Variants in PGLYRP3 observed in about 807,000 individuals in gnomAD.
PGLYRP3 encodes the protein peptidoglycan recognition protein I alpha.
Under a neutral mutation model 36.0 loss-of-function variants are expected in PGLYRP3, and 39 were observed. That is an observed-to-expected ratio of 1.08 (90% CI 0.84 to 1.41). PGLYRP3 has a LOEUF of 1.41. PGLYRP3 is among the 40% of genes most tolerant of loss of function. The probability of loss-of-function intolerance (pLI) is 0.00; values close to 1 mark genes in which losing one functional copy is unlikely to be tolerated. For missense variants in PGLYRP3, 407 were observed against 427.9 expected, an observed-to-expected ratio of 0.95 and a Z score of 0.43; for synonymous variants, 204 against 172.8, an observed-to-expected ratio of 1.18 and a Z score of -1.42.
chr1:153,308,122 G>A (rs1425687122), intron 2 of PGLYRP3, among the ~76,000 whole-genome samples: 1 of 151,984 alleles, frequency 6.6e-6, no homozygotes, highest in Non-Finnish European at 1.5e-5. Flanking sequence ...AGCCTCCCGA[G>A]TAACTGGAAT....
intron 2 of PGLYRP3, among the ~76,000 whole-genome samples, chr1:153,307,714 A>G (rs3006445): frequency 0.44 from 67,185 of 151,956 alleles, 15,423 homozygotes; most frequent in Non-Finnish European, 0.51. Context: ...CCTAAGAACC[A>G]TGACTCTCTG....
chr1:153,311,039 C>G (rs1659886611), intron 1 of PGLYRP3, among the ~76,000 whole-genome samples: 1 of 152,076 alleles, frequency 6.6e-6, no homozygotes, highest in South Asian at 2.1e-4. Context: ...TGAAAAAACA[C>G]TGTGTATTTA....
At chr1:153,309,865 C>T (rs1364023126) in intron 2 of PGLYRP3, among the ~76,000 whole-genome samples, 90 of 152,194 alleles carry the variant, frequency 5.9e-4, no homozygotes, top group Non-Finnish European at 7.3e-5. Flanking sequence ...GTTAATTTCC[C>T]CATCAGGGCC....
rs1046665563 is a variant in PGLYRP3 at position 153,312,711 on chromosome 1, G to T, written c.-110C>A. 3.3e-5 allele frequency among the ~76,000 whole-genome samples: 5 copies of T among 152,142 alleles called. No homozygotes were observed. Among genetic ancestry groups the T allele is most frequent in the Non-Finnish European group, 5.9e-5 (4 of 68,020 alleles). ...TCGGCTCGCCCCTGATTGGCCAGCA[G>T]CTCCTTCCCTTCCAGACTTGGCCTC... On this transcript the variant is annotated 5_prime_UTR_variant, in exon 1 of 8. It adds an upstream start codon to the 5' untranslated region. Coordinates refer to ENST00000683862, the MANE Select transcript of PGLYRP3 (RefSeq NM_052891.3).
chr1:153,302,509 C>T lies in PGLYRP3; in HGVS notation c.628G>A (p.Ala210Thr), dbSNP rs769955259. ...GTGGATACAGTGCAGCTTGTGCCAG[C>T]GGTGTGGATGATGATGACATATTTG... Reference protein sequence around the residue: ...PAKYVIIIHTAGTSCTVSTDC... With the variant: ...PAKYVIIIHTTGTSCTVSTDC... The change falls in exon 6 of 8, where the codon GCT (alanine) becomes ACT (threonine). Residue 210 changes from alanine to threonine, a missense_variant. By Grantham distance (58) the Ala-to-Thr change is moderately conservative. Transcript: ENST00000683862. 5.6e-6 allele frequency: 9 copies of T among 1,614,024 alleles called. No homozygotes were observed. Among genetic ancestry groups the T allele is most frequent in the African/African-American group, 2.7e-5 (2 of 74,910 alleles).
At chr1:153,305,143 G>T in intron 3 of PGLYRP3, 78 bp from the exon 4 acceptor site, 1 of 1,179,374 alleles carries the variant, frequency 8.5e-7, no homozygotes, top group Non-Finnish European at 1.2e-6. Flanking sequence ...AAGGAAAAGG[G>T]GTTCTGGAGG....
intron 2 of PGLYRP3, among the ~76,000 whole-genome samples, chr1:153,308,946 G>A (rs546426651): frequency 7.9e-5 from 12 of 152,246 alleles, no homozygotes; most frequent in Admixed American, 2.6e-4. Context: ...TCAAACCGTC[G>A]GTACCCAGCA....
rs1376881165 is a variant in PGLYRP3, at chr1:153,297,303, G to C, written c.*653C>G. ...ATCTATAAATAATTACAGCCCTTAAGTAAGGGCTGCATCCAAATATGTACC... is the reference window on the plus strand; with the variant it reads ...ATCTATAAATAATTACAGCCCTTAACTAAGGGCTGCATCCAAATATGTACC... On this transcript the variant is annotated 3_prime_UTR_variant, in exon 8 of 8. Transcript: ENST00000683862. Among the ~76,000 whole-genome samples the C allele has an allele frequency of 6.6e-6, 1 of 151,192 alleles. No homozygotes were observed. Among genetic ancestry groups the C allele is most frequent in the Non-Finnish European group, 1.5e-5 (1 of 67,842 alleles).
At chr1:153,309,409 G>A (rs2987759) in intron 2 of PGLYRP3, among the ~76,000 whole-genome samples, 63,230 of 152,014 alleles carry the variant, frequency 0.42, 13,641 homozygotes, top group Non-Finnish European at 0.47. Flanking sequence ...AGAATCTCTG[G>A]CCCCGAAGCC....
In PGLYRP3 at chr1:153,302,454, T is replaced by C. The variant is rs370458389; in HGVS notation, c.683A>G (p.Gln228Arg). The change falls in exon 6 of 8, where the codon CAG becomes CGG. Residue 228 changes from glutamine to arginine, a missense_variant. By Grantham distance (43) the Gln-to-Arg change is conservative. Transcript: ENST00000683862. ...GTTCCGTGTGTCCATGTGAAAGGAC[T>C]GTATGTTTCGGACGACAGTCTGGCA... The part of the protein sequence containing the change: ...TDCQTVVRNI[Q>R]SFHMDTRNFC... The C allele has an allele frequency of 1.2e-6, 2 of 1,614,226 alleles. No individual in the cohort carries two copies. The highest frequency in any genetic ancestry group is 8.5e-7 in the Non-Finnish European group (1 of 1,180,030).
chr1:153,307,336 G>T (rs1294429614), intron 2 of PGLYRP3, 69 bp from the exon 3 acceptor site: 1 of 1,462,752 alleles, frequency 6.8e-7, no homozygotes, highest in Non-Finnish European at 9.3e-7. Flanking sequence ...TCGACCATGT[G>T]CCCTGACCTC....
At chr1:153,301,235 T>C (rs927869585) in intron 6 of PGLYRP3, among the ~76,000 whole-genome samples, 3 of 152,222 alleles carry the variant, frequency 2.0e-5, no homozygotes, top group Non-Finnish European at 2.9e-5. Flanking sequence ...TAATCATCTT[T>C]GGAGAATCTC....
intron 2 of PGLYRP3, among the ~76,000 whole-genome samples, chr1:153,310,324 T>G (rs542479294): frequency 1.3e-5 from 2 of 152,370 alleles, no homozygotes; most frequent in Admixed American, 1.3e-4. Context: ...CGCACACTTG[T>G]GATCTAATTT....
At position 153,306,889 on chromosome 1, in the gene PGLYRP3, C is replaced by T. The variant is rs115564514; in HGVS notation, c.257+177G>A. Among the ~76,000 whole-genome samples, 1,221 of 152,328 alleles carry T rather than the reference C, an allele frequency of 8.0e-3. 14 individuals carry two copies. Among genetic ancestry groups the T allele is most frequent in the Middle Eastern group, 0.014 (4 of 294 alleles). ...GCCACTTAAATAAGTGGCTTAGAGT[C>T]ATCCCTCTTACAATCCCCGAAGGAT... On this transcript the variant is annotated intron_variant, in intron 3 of 7. Transcript: ENST00000683862.
intron 3 of PGLYRP3, 23 bp downstream of exon 3, chr1:153,307,043 C>T (rs771138460): frequency 6.2e-7 from 1 of 1,610,534 alleles, no homozygotes; most frequent in Non-Finnish European, 8.5e-7. Flanking sequence ...ATGTGGGCCT[C>T]AGGGACTTGG....
chr1:153,311,288 T>G (rs1659891832), intron 1 of PGLYRP3, among the ~76,000 whole-genome samples: 1 of 152,202 alleles, frequency 6.6e-6, no homozygotes, highest in African/African-American at 2.4e-5. Flanking sequence ...ACTTACTGAC[T>G]GCATTCTGTG....
chr1:153,307,320 A>C, intron 2 of PGLYRP3, 53 bp from the exon 3 acceptor site: 2 of 1,520,150 alleles, frequency 1.3e-6, no homozygotes, highest in Non-Finnish European at 1.8e-6. Flanking sequence ...ATCTTCCCCC[A>C]ACAGGTCGAC....
intron 1 of PGLYRP3, among the ~76,000 whole-genome samples, chr1:153,311,696 T>C (rs981478362): frequency 2.6e-5 from 4 of 152,200 alleles, no homozygotes; most frequent in African/African-American, 7.2e-5. Context: ...ATTTTCCTAC[T>C]GAGAAAATAT....
intron 3 of PGLYRP3, among the ~76,000 whole-genome samples, chr1:153,306,821 A>G (rs2101522066): frequency 6.6e-6 from 1 of 152,294 alleles, no homozygotes; most frequent in Non-Finnish European, 1.5e-5. Context: ...TGCAGTTGTT[A>G]CGTAACCTTC....
Sources: allele counts gnomAD v4.1 joint callset (sites outside exome capture counted in the v4.1 genomes callset), GRCh38; gene constraint gnomAD v4.1.1; transcripts MANE v1.5; gene names NCBI Gene and HGNC (gene_info 2026-07-23, HGNC 2026-07-21).